Variants in DCTN6 observed in about 807,000 individuals in gnomAD.
DCTN6 encodes dynactin 6.
A neutral mutation model predicts 25.8 loss-of-function variants in DCTN6; 15 were observed. The ratio of observed to expected loss-of-function variants is 0.58; its 90% confidence interval spans 0.39 to 0.89. The LOEUF is 0.89. DCTN6 is among the 40% of genes least tolerant of loss of function. The pLI is 0.00. For synonymous variants in DCTN6, 64 were observed against 78.3 expected, an observed-to-expected ratio of 0.82 and a Z score of 0.96; for missense variants, 198 against 237.6, an observed-to-expected ratio of 0.83 and a Z score of 1.09.
intron 4 of DCTN6, among the ~76,000 whole-genome samples, chr8:30,178,902 C>A (rs934537251): frequency 6.6e-6 from 1 of 152,166 alleles, no homozygotes; most frequent in African/African-American, 2.4e-5. Flanking sequence ...AGCAATCCTC[C>A]CACCTTGGCC....
chr8:30,163,367 C>T (rs898044354), intron 1 of DCTN6, among the ~76,000 whole-genome samples: 2 of 152,168 alleles, frequency 1.3e-5, no homozygotes, highest in Non-Finnish European at 2.9e-5. Context: ...AGCAGTTCTC[C>T]TTCCTTGGCC....
intron 1 of DCTN6, 136 bp downstream of exon 1, chr8:30,156,542 G>A (rs966169357): frequency 3.8e-6 from 4 of 1,056,488 alleles, no homozygotes; most frequent in African/African-American, 1.6e-5. Flanking sequence ...GCCCAGACCT[G>A]GCGTCCACTG....
chr8:30,180,987 C>T, intron 6 of DCTN6: 2 of 304,994 alleles, frequency 6.6e-6, no homozygotes. Context: ...GATCATGCCA[C>T]TGCACTCCAG....
At position 30,183,405 on chromosome 8, in the gene DCTN6, C is replaced by T. The variant is rs1803935869; in HGVS notation, c.*232C>T. On this transcript the variant is annotated 3_prime_UTR_variant, in exon 7 of 7. Coordinates refer to ENST00000221114, the MANE Select transcript of DCTN6 (RefSeq NM_006571.4). ...CTTTTCTGATAATTTACAGATTTAG[C>T]TTTTCTTTTGTTATATAAACTGCTA... 3 of 332,984 alleles carry T rather than the reference C, an allele frequency of 9.0e-6. No homozygotes were observed. In the East Asian group the frequency reaches 1.7e-4, roughly 19 times the overall value. The allele number at this position is 332,984 out of a possible 1,614,324, so 20.6% of individuals were successfully genotyped here. A position where few individuals can be genotyped will look rare whatever the true frequency, so the allele number is the denominator to read the frequency against.
chr8:30,156,751 C>G (rs1031765025), intron 1 of DCTN6, among the ~76,000 whole-genome samples: 4 of 152,160 alleles, frequency 2.6e-5, no homozygotes, highest in Non-Finnish European at 5.9e-5. Flanking sequence ...TCCCTTCTCC[C>G]GCATAATCGG....
chr8:30,170,476 A>T (rs1803749403), intron 2 of DCTN6, among the ~76,000 whole-genome samples: 1 of 152,174 alleles, frequency 6.6e-6, no homozygotes, highest in Non-Finnish European at 1.5e-5. Flanking sequence ...CCCTCTCTGG[A>T]CACAGCCCTC....
intron 1 of DCTN6, among the ~76,000 whole-genome samples, chr8:30,161,790 C>T (rs1414943975): frequency 6.7e-6 from 1 of 150,156 alleles, no homozygotes; most frequent in Non-Finnish European, 1.5e-5. Context: ...CTCTGTCGCC[C>T]AGGCTGGAGT....
chr8:30,166,989 G>A (rs1326934668), intron 2 of DCTN6, among the ~76,000 whole-genome samples: 1 of 150,184 alleles, frequency 6.7e-6, no homozygotes, highest in South Asian at 2.1e-4. Flanking sequence ...AGGAAGGGAG[G>A]AAGGAAAGGA....
intron 1 of DCTN6, 129 bp from the exon 2 acceptor site, chr8:30,163,982 G>A (rs747446137): frequency 2.9e-5 from 22 of 765,398 alleles, no homozygotes; most frequent in Middle Eastern, 2.4e-4. Context: ...GATTACAGGC[G>A]TGAGCCACTG....
At chr8:30,177,525 G>C in intron 4 of DCTN6, 1 of 171,366 alleles carries the variant, frequency 5.8e-6, no homozygotes, top group Non-Finnish European at 1.2e-5. Context: ...TGGCCAACAT[G>C]GTGAAACCCC....
At chr8:30,160,911 G>A (rs1803586045) in intron 1 of DCTN6, among the ~76,000 whole-genome samples, 1 of 152,186 alleles carries the variant, frequency 6.6e-6, no homozygotes, top group African/African-American at 2.4e-5. Flanking sequence ...ACGTTGCCTA[G>A]AAACCAGATT....
At chr8:30,164,834 G>A (rs1332234194) in intron 2 of DCTN6, among the ~76,000 whole-genome samples, 2 of 152,212 alleles carry the variant, frequency 1.3e-5, no homozygotes, top group African/African-American at 2.4e-5. Context: ...GAAAGGGGAG[G>A]CGTGGAAGCA....
In DCTN6 at chr8:30,180,367, A is replaced by G. The variant is rs1323170798; in HGVS notation, c.332-121A>G. On this transcript the variant is annotated intron_variant, in intron 5 of 6. Coordinates refer to ENST00000221114, the MANE Select transcript of DCTN6 (RefSeq NM_006571.4). ...GTCCATACAAACTCCAAACTGATGT[A>G]TTTTCTTTAACTTTTTTCTTGAGGC... 2.3e-6 allele frequency: 3 copies of G among 1,291,774 alleles called. No individual in the cohort carries two copies. In the East Asian group the frequency reaches 7.4e-5, roughly 32 times the overall value. The allele number at this position is 1,291,774 out of a possible 1,614,324, so 80.0% of individuals were successfully genotyped here. A position where few individuals can be genotyped will look rare whatever the true frequency, so the allele number is the denominator to read the frequency against.
intron 2 of DCTN6, among the ~76,000 whole-genome samples, chr8:30,167,587 C>G (rs1365649880): frequency 3.3e-5 from 5 of 152,004 alleles, no homozygotes; most frequent in African/African-American, 4.8e-5. Context: ...TACTAAAGTG[C>G]TGGGATTACA....
At position 30,175,202 on chromosome 8, in the gene DCTN6, A is replaced by G; in HGVS notation, c.194+12A>G. On this transcript the variant is annotated intron_variant, in intron 3 of 6. Coordinates refer to ENST00000221114, the MANE Select transcript of DCTN6 (RefSeq NM_006571.4). ...CTTATCATAAATGCGTAAGACTCTT[A>G]TACATACTGTGAACCAAGTACCATG... 4 of 1,608,768 alleles carry G rather than the reference A, an allele frequency of 2.5e-6. No individual in the cohort carries two copies. Among genetic ancestry groups the G allele is most frequent in the Non-Finnish European group, 1.7e-6 (2 of 1,175,730 alleles).
chr8:30,158,701 CT>C (rs5890500), intron 1 of DCTN6, among the ~76,000 whole-genome samples: 8,127 of 98,932 alleles, frequency 0.082, 402 homozygotes, highest in African/African-American at 0.21. Flanking sequence ...AGTAGATTGA[CT>C]TTTTTTTTTT....
intron 6 of DCTN6, 129 bp downstream of exon 6, chr8:30,180,759 C>T: frequency 8.6e-7 from 1 of 1,158,028 alleles, no homozygotes; most frequent in Non-Finnish European, 1.2e-6. Flanking sequence ...ATGCCAGTCT[C>T]AGTGACTCGT....
chr8:30,179,446 G>C lies in DCTN6; in HGVS notation c.322G>C (p.Glu108Gln). The C allele has an allele frequency of 1.2e-6, 2 of 1,612,246 alleles. No individual in the cohort carries two copies. The highest frequency in any genetic ancestry group is 1.7e-6 in the Non-Finnish European group (2 of 1,179,142). The change falls in exon 5 of 7, where the codon GAA becomes CAA. Residue 108 changes from glutamate (E) to glutamine (Q), a missense_variant. Coordinates refer to ENST00000221114, the MANE Select transcript of DCTN6 (RefSeq NM_006571.4). ...GAAGATGGGAGATAATAATGTCATT[G>C]AATCAAAAGGTAAGCTACATTCAGA... ...AMKMGDNNVIESKAYVGRNVI... is the reference protein window; with the variant it reads ...AMKMGDNNVIQSKAYVGRNVI...
intron 6 of DCTN6, chr8:30,180,891 G>A (rs1344279513): frequency 2.0e-6 from 1 of 501,940 alleles, no homozygotes; most frequent in African/African-American, 1.9e-5. Flanking sequence ...AACTAAGCCA[G>A]GTGTGGTGGG....
Sources: gnomAD v4.1 joint callset for allele counts (sites outside exome capture counted in the v4.1 genomes callset) on GRCh38, gnomAD v4.1.1 for gene constraint, MANE v1.5 for transcripts, NCBI Gene and HGNC (gene_info 2026-07-23, HGNC 2026-07-21) for gene names.